Variants in MYCBP2 observed in about 807,000 individuals in gnomAD.
The protein encoded by MYCBP2 is E3 ubiquitin-protein ligase MYCBP2.
In MYCBP2, 120 loss-of-function variants were observed where a neutral mutation model predicts 525.3. That is an observed-to-expected ratio of 0.23 (90% CI 0.20 to 0.27). The LOEUF is 0.27. Ranked by LOEUF, MYCBP2 falls within the 10% of genes least tolerant of loss-of-function variation. The pLI, the probability that MYCBP2 is intolerant of heterozygous loss-of-function variation, is 1.00. For missense variants in MYCBP2, 4,149 were observed against 5,657.1 expected, an observed-to-expected ratio of 0.73 and a Z score of 8.55; for synonymous variants, 1,894 against 1,955.8, an observed-to-expected ratio of 0.97 and a Z score of 0.83.
At chr13:77,191,603 G>C (rs1333682880) in intron 28 of MYCBP2, 76 bp downstream of exon 28, 2 of 1,511,620 alleles carry the variant, frequency 1.3e-6, no homozygotes, top group African/African-American at 2.8e-5. Flanking sequence ...CCTGCTGAAA[G>C]TACTCTGAAT....
rs577318065 is a variant in MYCBP2, at chr13:77,259,026, G to A, written c.2018-1197C>T. ...TCCCAGCACTTGAGGAGGCTGAGGC[G>A]AGTGTATCACTTGAGGTCAGGAGTT... On this transcript the variant is annotated intron_variant, in intron 13 of 82. Transcript: ENST00000544440. 2.6e-5 allele frequency among the ~76,000 whole-genome samples: 4 copies of A among 152,138 alleles called. 1 individual carries two copies. The highest frequency in any genetic ancestry group is 2.1e-4 in the South Asian group (1 of 4,822).
At chr13:77,227,604 T>C (rs1372049686) in intron 18 of MYCBP2, among the ~76,000 whole-genome samples, 1 of 152,102 alleles carries the variant, frequency 6.6e-6, no homozygotes, top group Non-Finnish European at 1.5e-5. Context: ...AAATGTCTAA[T>C]TATTAAAACC....
Position 77,260,441 on chromosome 13 carries a change from G to A in MYCBP2, c.2004C>T (p.Tyr668=). The change falls in exon 13 of 83, where the codon TAC becomes TAT. Residue 668 remains tyrosine (Y), a synonymous_variant. Coordinates refer to ENST00000544440, the MANE Select transcript of MYCBP2 (RefSeq NM_015057.5). ...TTATTAACTTACTTGAACTATCAGA[G>A]TAAATGGCATCTTTTCCAAACATGT... ...ELYMFGKDAI[Y]SDSSSLVTDL... is the part of the protein sequence containing the mutation. 1 of 1,589,132 alleles carries A rather than the reference G, an allele frequency of 6.3e-7. No individual in the cohort carries two copies. The highest frequency in any genetic ancestry group is 8.5e-7 in the Non-Finnish European group (1 of 1,172,632).
At position 77,266,771 on chromosome 13, in the gene MYCBP2, CT is replaced by C. The variant is rs1332167879; in HGVS notation, c.1357+1069del. ...GAAAAAAAAAAAAAAAAAAAAAACC[CT>C]GTAGACATATCTGAAAATAGATGGT... On this transcript the variant is annotated intron_variant, in intron 8 of 82. Coordinates refer to ENST00000544440, the MANE Select transcript of MYCBP2 (RefSeq NM_015057.5). Among the ~76,000 whole-genome samples the C allele has an allele frequency of 6.2e-3, 836 of 134,696 alleles. 12 individuals carry two copies. The highest frequency in any genetic ancestry group is 0.024 in the African/African-American group (781 of 32,976). 88.4% of individuals were successfully genotyped at this position (134,696 alleles called of 152,430 possible).
chr13:77,170,050 G>A (rs1417980386), intron 38 of MYCBP2, among the ~76,000 whole-genome samples: 1 of 152,200 alleles, frequency 6.6e-6, no homozygotes, highest in Non-Finnish European at 1.5e-5. Flanking sequence ...GGGTAATGGA[G>A]TCTTTATTTT....
chr13:77,261,862 C>CA (rs1383206786), intron 11 of MYCBP2, among the ~76,000 whole-genome samples, 191 bp downstream of exon 11: 1 of 151,846 alleles, frequency 6.6e-6, no homozygotes, highest in Non-Finnish European at 1.5e-5. Flanking sequence ...CAAAACTAAG[C>CA]ACAATAAAAT....
chr13:77,111,706 C>T (rs571796334), intron 55 of MYCBP2, among the ~76,000 whole-genome samples: 10 of 152,162 alleles, frequency 6.6e-5, no homozygotes, highest in Admixed American at 6.5e-4. Flanking sequence ...AGCTTAAACC[C>T]TACTCAGCTT....
chr13:77,198,819 T>C (rs754034246), intron 26 of MYCBP2, among the ~76,000 whole-genome samples: 3 of 152,206 alleles, frequency 2.0e-5, no homozygotes, highest in Non-Finnish European at 4.4e-5. Flanking sequence ...CCCTAAACAG[T>C]TGTGCCTCCT....
intron 1 of MYCBP2, among the ~76,000 whole-genome samples, chr13:77,306,362 C>T (rs1194540491): frequency 6.6e-6 from 1 of 152,118 alleles, no homozygotes; most frequent in Non-Finnish European, 1.5e-5. Flanking sequence ...ATTTACTTAA[C>T]CTAGCCGGCT....
chr13:77,302,639 G>C (rs2078929340), intron 1 of MYCBP2, among the ~76,000 whole-genome samples: 1 of 152,098 alleles, frequency 6.6e-6, no homozygotes, highest in Admixed American at 6.5e-5. Context: ...AAGAAATACT[G>C]AAGGAAAGTC....
At chr13:77,076,969 C>T (rs760769767) in intron 67 of MYCBP2, 120 bp from the exon 68 acceptor site, 63 of 1,114,160 alleles carry the variant, frequency 5.7e-5, no homozygotes, top group Admixed American at 7.3e-5. Context: ...ATATACACCA[C>T]TATTTTTCTT....
intron 54 of MYCBP2, among the ~76,000 whole-genome samples, chr13:77,122,683 C>A (rs1392327179): frequency 1.4e-4 from 20 of 139,256 alleles, no homozygotes; most frequent in African/African-American, 5.6e-4. Context: ...GAGCGAGACT[C>A]CATCTCAAAA....
intron 30 of MYCBP2, among the ~76,000 whole-genome samples, chr13:77,187,032 A>G (rs568643457): frequency 1.3e-5 from 2 of 151,354 alleles, no homozygotes; most frequent in East Asian, 1.9e-4. Flanking sequence ...CTGGTCTTGA[A>G]CTCCTGAGCT....
intron 38 of MYCBP2, among the ~76,000 whole-genome samples, chr13:77,171,190 G>A (rs1163067050): frequency 6.6e-6 from 1 of 152,014 alleles, no homozygotes; most frequent in African/African-American, 2.4e-5. Flanking sequence ...CAGAGAGGAA[G>A]AAAAAGCTTT....
At chr13:77,196,572 G>A (rs562146814) in intron 26 of MYCBP2, among the ~76,000 whole-genome samples, 3 of 152,284 alleles carry the variant, frequency 2.0e-5, no homozygotes, top group South Asian at 4.1e-4. Context: ...AAGTGGAAAC[G>A]ATAATATTTG....
At chr13:77,188,583 TCCA>T (rs2060982963) in intron 30 of MYCBP2, among the ~76,000 whole-genome samples, 1 of 152,230 alleles carries the variant, frequency 6.6e-6, no homozygotes. Flanking sequence ...ATGCAACTCT[TCCA>T]CCTAGTTCCT....
chr13:77,100,797 A>T (rs1254245081), intron 55 of MYCBP2, among the ~76,000 whole-genome samples: 1 of 152,078 alleles, frequency 6.6e-6, no homozygotes, highest in East Asian at 1.9e-4. Context: ...GCTCTGTTTT[A>T]TAAATACAGT....
chr13:77,284,844 C>T (rs979399733), intron 3 of MYCBP2, among the ~76,000 whole-genome samples: 7 of 152,158 alleles, frequency 4.6e-5, no homozygotes, highest in Non-Finnish European at 7.4e-5. Flanking sequence ...GAGGTAGATG[C>T]AACCCCCAAT....
chr13:77,152,926 G>A (rs1174947074), intron 46 of MYCBP2, among the ~76,000 whole-genome samples: 19 of 152,120 alleles, frequency 1.2e-4, no homozygotes, highest in South Asian at 1.0e-3. Flanking sequence ...TTAGCCAGGC[G>A]TGGTGGCGGG....
Sources: allele counts gnomAD v4.1 joint callset (sites outside exome capture counted in the v4.1 genomes callset), GRCh38; gene constraint gnomAD v4.1.1; transcripts MANE v1.5; gene names NCBI Gene and HGNC (gene_info 2026-07-23, HGNC 2026-07-21).